The following PCDH15 variants were observed in gnomAD, a reference collection of about 807,000 sequenced individuals.
The protein encoded by PCDH15 is protocadherin-15.
A neutral mutation model predicts 178.5 loss-of-function variants in PCDH15; 129 were observed. The ratio of observed to expected loss-of-function variants is 0.72; its 90% confidence interval spans 0.63 to 0.84. The LOEUF (loss-of-function observed/expected upper bound fraction) is 0.84, where lower values mean the gene tolerates loss of function less well. Among genes scored for constraint, PCDH15 ranks in the 40% least tolerant of loss-of-function variants. PCDH15 has a pLI of 0.00. For missense variants in PCDH15, 2,230 were observed against 2,099.9 expected (o/e 1.06, Z -1.21); for synonymous variants, 800 against 732.0 (o/e 1.09, Z -1.50).
intron 23 of PCDH15, among the ~76,000 whole-genome samples, chr10:53,950,662 C>T (rs2086948771): frequency 6.6e-6 from 1 of 152,112 alleles, no homozygotes; most frequent in Admixed American, 6.5e-5. Context: ...AAGTCTTAGT[C>T]CATCATCCTG....
intron 21 of PCDH15, among the ~76,000 whole-genome samples, chr10:53,977,688 G>A (rs1458716553): frequency 6.6e-6 from 1 of 152,144 alleles, no homozygotes; most frequent in Middle Eastern, 3.4e-3. Context: ...TAATCCAAAC[G>A]TCCAAGTACA....
At position 55,585,060 on chromosome 10, in the gene PCDH15, T is replaced by C. The variant is rs955031037; in HGVS notation, c.-156+42565A>G. On this transcript the variant is annotated intron_variant, in intron 2 of 5. Coordinates refer to the PCDH15 transcript ENST00000613346. ...AAATTAATCTATATTATTAATACTA[T>C]ATAAAATTAATTCCTTATATGTATA... Among the ~76,000 whole-genome samples, 12 of 151,414 alleles carry C rather than the reference T, an allele frequency of 7.9e-5. No individual in the cohort carries two copies. The East Asian group carries it at 2.3e-3, about 29-fold the overall frequency.
At chr10:54,555,620 C>T (rs113242748) in intron 2 of PCDH15, among the ~76,000 whole-genome samples, 38,938 of 150,278 alleles carry the variant, frequency 0.26, 5,384 homozygotes, top group East Asian at 0.33. Flanking sequence ...ACCTGTAATC[C>T]CAGCTACTCA....
intron 2 of PCDH15, among the ~76,000 whole-genome samples, chr10:55,003,921 C>CATGCAGGTATCTGCAG (rs1452113477): frequency 3.6e-4 from 55 of 152,314 alleles, no homozygotes; most frequent in African/African-American, 1.2e-3. Flanking sequence ...TCACTGAATA[C>CATGCAGGTATCTGCAG]ATGCAGGTAT....
At chr10:55,338,521 A>C (rs1844460074) in intron 2 of PCDH15, among the ~76,000 whole-genome samples, 1 of 152,218 alleles carries the variant, frequency 6.6e-6, no homozygotes, top group South Asian at 2.1e-4. Flanking sequence ...GTATCCCAGC[A>C]CTCGGGGAGA....
At chr10:55,309,869 C>T (rs536407047) in intron 1 of PCDH15, among the ~76,000 whole-genome samples, 44 of 152,292 alleles carry the variant, frequency 2.9e-4, no homozygotes, top group African/African-American at 8.4e-4. Context: ...AATCCATCAC[C>T]TTGGCTAGAA....
chr10:55,403,982 T>C (rs1394701425), intron 2 of PCDH15, among the ~76,000 whole-genome samples: 1 of 152,044 alleles, frequency 6.6e-6, no homozygotes, highest in Non-Finnish European at 1.5e-5. Context: ...GAAGTTTAAA[T>C]GGATACAGTC....
At chr10:54,485,079 G>C (rs1477317136) in intron 3 of PCDH15, among the ~76,000 whole-genome samples, 2 of 151,774 alleles carry the variant, frequency 1.3e-5, no homozygotes, top group Non-Finnish European at 2.9e-5. Flanking sequence ...AATAGGCAGG[G>C]ATTGTGAAAT....
At chr10:54,105,762 T>C (rs2136201441) in intron 15 of PCDH15, among the ~76,000 whole-genome samples, 1 of 152,260 alleles carries the variant, frequency 6.6e-6, no homozygotes, top group Non-Finnish European at 1.5e-5. Context: ...CACAGTATCA[T>C]ATAACACAGC....
At chr10:55,061,358 A>C (rs1841425878) in intron 2 of PCDH15, among the ~76,000 whole-genome samples, 1 of 152,208 alleles carries the variant, frequency 6.6e-6, no homozygotes. Context: ...CAACAAGTAG[A>C]TGCTACTATA....
chr10:54,915,373 T>A (rs1954883643), intron 2 of PCDH15, among the ~76,000 whole-genome samples: 1 of 152,094 alleles, frequency 6.6e-6, no homozygotes, highest in Non-Finnish European at 1.5e-5. Flanking sequence ...TAGAAAAAAA[T>A]CCTCAAAATT....
At chr10:55,088,540 C>G (rs1842235915) in intron 2 of PCDH15, among the ~76,000 whole-genome samples, 1 of 151,908 alleles carries the variant, frequency 6.6e-6, no homozygotes, top group African/African-American at 2.4e-5. Flanking sequence ...TCCTATAGTG[C>G]TAGGATTACA....
intron 1 of PCDH15, among the ~76,000 whole-genome samples, chr10:55,292,242 T>C (rs957155709): frequency 7.2e-5 from 11 of 152,136 alleles, no homozygotes; most frequent in South Asian, 2.1e-4. Flanking sequence ...ACTTCCTAGA[T>C]ACAATGAGGT....
intron 5 of PCDH15, among the ~76,000 whole-genome samples, chr10:54,356,587 T>C (rs749354781): frequency 2.6e-5 from 4 of 151,720 alleles, no homozygotes; most frequent in Non-Finnish European, 4.4e-5. Context: ...ATATTTATCA[T>C]ACACACAAAA....
chr10:55,376,556 C>A (rs1379961888), intron 2 of PCDH15, among the ~76,000 whole-genome samples: 1 of 151,972 alleles, frequency 6.6e-6, no homozygotes, highest in Non-Finnish European at 1.5e-5. Context: ...TCCAGAGACT[C>A]CCATTTTTAG....
At chr10:54,757,150 T>A (rs529287417) in intron 1 of PCDH15, among the ~76,000 whole-genome samples, 28 of 152,354 alleles carry the variant, frequency 1.8e-4, no homozygotes, top group African/African-American at 6.7e-4. Context: ...TTAAGATAGT[T>A]GTGTTCTATT....
chr10:55,500,650 A>T (rs181791395), intron 2 of PCDH15, among the ~76,000 whole-genome samples: 106 of 151,836 alleles, frequency 7.0e-4, no homozygotes, highest in African/African-American at 2.3e-3. Context: ...GAATAGTGAG[A>T]CCCTGATCAT....
intron 23 of PCDH15, among the ~76,000 whole-genome samples, chr10:53,958,454 T>C (rs1466856277): frequency 6.6e-6 from 1 of 152,230 alleles, no homozygotes; most frequent in African/African-American, 2.4e-5. Context: ...CTTAGCCTGC[T>C]TCCTCAATAC....
chr10:54,445,077 G>A (rs1414470377), intron 3 of PCDH15, among the ~76,000 whole-genome samples: 1 of 150,756 alleles, frequency 6.6e-6, no homozygotes, highest in Non-Finnish European at 1.5e-5. Flanking sequence ...CTTGTCCTGG[G>A]TTCCATCTTT....
Sources: allele counts gnomAD v4.1 joint callset (sites outside exome capture counted in the v4.1 genomes callset), GRCh38; gene constraint gnomAD v4.1.1; transcripts MANE v1.5; gene names NCBI Gene and HGNC (gene_info 2026-07-23, HGNC 2026-07-21).